Variants in NRIP1 observed in about 807,000 individuals in gnomAD.
NRIP1 encodes the protein nuclear receptor-interacting protein 1.
Under a neutral mutation model 75.0 loss-of-function variants are expected in NRIP1, and 28 were observed. That is an observed-to-expected ratio of 0.37 (90% CI 0.28 to 0.51). The LOEUF (loss-of-function observed/expected upper bound fraction) is 0.51, where lower values mean the gene tolerates loss of function less well. Among genes scored for constraint, NRIP1 ranks in the 20% least tolerant of loss-of-function variants. NRIP1 has a pLI of 0.92. For missense variants in NRIP1, 1,435 were observed against 1,343.7 expected, an observed-to-expected ratio of 1.07 and a Z score of -1.06; for synonymous variants, 526 against 487.6, an observed-to-expected ratio of 1.08 and a Z score of -1.04.
intron 3 of NRIP1, among the ~76,000 whole-genome samples, chr21:14,995,398 G>C (rs2087693479): frequency 6.6e-6 from 1 of 152,228 alleles, no homozygotes; most frequent in Non-Finnish European, 1.5e-5. Context: ...GGCCTTCTGA[G>C]AAATGCACAT....
intron 1 of NRIP1, among the ~76,000 whole-genome samples, chr21:15,052,703 C>G (rs1350924678): frequency 6.6e-6 from 1 of 152,252 alleles, no homozygotes; most frequent in East Asian, 1.9e-4. Context: ...TGAATTGCTG[C>G]TCACATTTAC....
intron 3 of NRIP1, among the ~76,000 whole-genome samples, chr21:15,011,139 T>G (rs2088090593): frequency 6.6e-6 from 1 of 152,194 alleles, no homozygotes; most frequent in Non-Finnish European, 1.5e-5. Flanking sequence ...GGACAGGCAT[T>G]CCATGTATAC....
chr21:15,034,428 C>T (rs1319889535), intron 2 of NRIP1, among the ~76,000 whole-genome samples: 1 of 152,138 alleles, frequency 6.6e-6, no homozygotes, highest in African/African-American at 2.4e-5. Context: ...CTATCACAGC[C>T]ATACTATGAA....
rs777337306 is a variant in NRIP1, at chr21:14,967,595, C to G, written c.598G>C (p.Asp200His). Residue 200 changes from aspartate to histidine, a missense_variant, in exon 4 of 4, where the codon GAT (aspartate) becomes CAT (histidine). By Grantham distance (81) the Asp-to-His change is moderately conservative. Transcript: ENST00000318948. Reference protein sequence around the residue: ...KKSKVKDQKPDTNLPDVTKNL... With the variant: ...KKSKVKDQKPHTNLPDVTKNL... ...TTAGTCACATCAGGAAGATTCGTAT[C>G]AGGCTTTTGATCTTTAACTTTACTT... 57 of 1,613,892 alleles carry G rather than the reference C, an allele frequency of 3.5e-5. No individual in the cohort carries two copies. Among genetic ancestry groups the G allele is most frequent in the Non-Finnish European group, 4.7e-5 (55 of 1,180,004 alleles).
chr21:15,042,226 A>G (rs1339958134), intron 2 of NRIP1, among the ~76,000 whole-genome samples: 1 of 152,240 alleles, frequency 6.6e-6, no homozygotes, highest in Non-Finnish European at 1.5e-5. Flanking sequence ...AAGGTGGCCA[A>G]TTCACTATAA....
intron 2 of NRIP1, among the ~76,000 whole-genome samples, chr21:15,042,529 G>A (rs553947984): frequency 6.6e-6 from 1 of 152,276 alleles, no homozygotes; most frequent in East Asian, 1.9e-4. Flanking sequence ...GCAATGTGAG[G>A]GTAATTTGGA....
chr21:14,970,179 T>G (rs2086864628), intron 3 of NRIP1, among the ~76,000 whole-genome samples: 1 of 152,236 alleles, frequency 6.6e-6, no homozygotes, highest in Non-Finnish European at 1.5e-5. Flanking sequence ...CTTAGTGGTA[T>G]AAAACATACG....
rs1310041190 is a variant in NRIP1, at chr21:14,966,782, A to C, written c.1411T>G (p.Trp471Gly). 1 of 1,613,982 alleles carries C rather than the reference A, an allele frequency of 6.2e-7. No homozygotes were observed. The highest frequency in any genetic ancestry group is 1.3e-5 in the African/African-American group (1 of 74,920). The change falls in exon 4 of 4, where the codon TGG becomes GGG. Residue 471 changes from tryptophan (W) to glycine (G), a missense_variant. Physicochemically the swap from Trp to Gly is radical, Grantham distance 184 (BLOSUM62 -2). Transcript: ENST00000318948. ...DNFTQSLLNT[W>G]DPKVPDVDIK... ...TCTACATCTGGGACTTTTGGATCCC[A>C]AGTGTTTAGCAAGGATTGAGTGAAG...
At chr21:14,976,377 C>A (rs1432495401) in intron 3 of NRIP1, among the ~76,000 whole-genome samples, 1 of 152,060 alleles carries the variant, frequency 6.6e-6, no homozygotes, top group Non-Finnish European at 1.5e-5. Context: ...TCAACACAAA[C>A]TAGTTTAATG....
At chr21:15,000,929 T>C (rs186781057) in intron 3 of NRIP1, among the ~76,000 whole-genome samples, 63 of 152,282 alleles carry the variant, frequency 4.1e-4, no homozygotes, top group Non-Finnish European at 8.4e-4. Context: ...AATGTTTTTA[T>C]GTCACAGAGT....
chr21:15,039,850 C>A (rs756592452), intron 2 of NRIP1, among the ~76,000 whole-genome samples: 1 of 152,038 alleles, frequency 6.6e-6, no homozygotes, highest in Non-Finnish European at 1.5e-5. Flanking sequence ...ATCTGTCATT[C>A]AACATGCCCC....
intron 2 of NRIP1, among the ~76,000 whole-genome samples, chr21:15,022,756 C>T (rs561254402): frequency 5.9e-5 from 9 of 152,232 alleles, no homozygotes; most frequent in Admixed American, 2.6e-4. Flanking sequence ...CAGACAGTTC[C>T]TTAAAAAGCA....
chr21:15,053,263 T>C (rs1227514641), intron 1 of NRIP1, among the ~76,000 whole-genome samples: 1 of 152,206 alleles, frequency 6.6e-6, no homozygotes, highest in African/African-American at 2.4e-5. Flanking sequence ...TTTGTGTTGT[T>C]AGAATGATGC....
At chr21:14,976,161 T>C (rs903260565) in intron 3 of NRIP1, among the ~76,000 whole-genome samples, 6 of 152,184 alleles carry the variant, frequency 3.9e-5, no homozygotes, top group African/African-American at 1.4e-4. Flanking sequence ...AGAATCTTCC[T>C]TTTATTAATT....
chr21:14,961,875 A>G lies in NRIP1; in HGVS notation c.*2841T>C, dbSNP rs1051101232. 2.0e-5 allele frequency: 3 copies of G among 152,170 alleles called. No homozygotes were observed. Among genetic ancestry groups the G allele is most frequent in the Admixed American group, 2.0e-4 (3 of 15,222 alleles). 9.4% of individuals were successfully genotyped at this position (152,170 alleles called of 1,614,324 possible). A position where few individuals can be genotyped will look rare whatever the true frequency, so the allele number is the denominator to read the frequency against. On this transcript the variant is annotated 3_prime_UTR_variant, in exon 4 of 4. Coordinates refer to ENST00000318948, the MANE Select transcript of NRIP1 (RefSeq NM_003489.4). Reference sequence around the variant, plus strand: ...CTTATACATGGAATATACAGGAACCAAAGAGATTAAAAGGCTTTTCTGTTG... The same window carrying G: ...CTTATACATGGAATATACAGGAACCGAAGAGATTAAAAGGCTTTTCTGTTG...
At chr21:14,977,738 T>C (rs992005148) in intron 3 of NRIP1, among the ~76,000 whole-genome samples, 2 of 152,206 alleles carry the variant, frequency 1.3e-5, no homozygotes, top group African/African-American at 2.4e-5. Flanking sequence ...AATTAATATA[T>C]GTCTTTTAAG....
chr21:15,005,857 C>A (rs917958936), intron 3 of NRIP1, among the ~76,000 whole-genome samples: 3 of 151,964 alleles, frequency 2.0e-5, no homozygotes, highest in African/African-American at 7.3e-5. Flanking sequence ...AGTAAACAAC[C>A]CTTCCATTGT....
intron 3 of NRIP1, among the ~76,000 whole-genome samples, chr21:14,995,613 TAA>T (rs1462156632): frequency 4.6e-5 from 7 of 152,196 alleles, no homozygotes; most frequent in Non-Finnish European, 8.8e-5. Context: ...TAATATTTCA[TAA>T]ATATGAAAGA....
chr21:15,053,116 C>A (rs1174688188), intron 1 of NRIP1, among the ~76,000 whole-genome samples: 1 of 152,120 alleles, frequency 6.6e-6, no homozygotes, highest in African/African-American at 2.4e-5. Flanking sequence ...AAGTAACATG[C>A]CATTAAACAG....
Sources: gnomAD v4.1 joint callset for allele counts (sites outside exome capture counted in the v4.1 genomes callset) on GRCh38, gnomAD v4.1.1 for gene constraint, MANE v1.5 for transcripts, NCBI Gene and HGNC (gene_info 2026-07-23, HGNC 2026-07-21) for gene names.